DGKI: variants seen among roughly 807,000 people sequenced by gnomAD.
DGKI encodes DAG kinase iota.
A neutral mutation model predicts 147.5 loss-of-function variants in DGKI; 55 were observed. The observed-to-expected ratio is 0.37, with a 90% confidence interval of 0.30 to 0.47. The LOEUF (loss-of-function observed/expected upper bound fraction) is 0.47, where lower values mean the gene tolerates loss of function less well. DGKI is among the 20% of genes least tolerant of loss of function. The probability of loss-of-function intolerance (pLI) is 1.00; values close to 1 mark genes in which losing one functional copy is unlikely to be tolerated. For missense variants in DGKI, 1,007 were observed against 1,323.8 expected (o/e 0.76, Z 3.71); for synonymous variants, 469 against 477.1 (o/e 0.98, Z 0.22).
rs367701803 is a variant in DGKI at position 137,458,668 on chromosome 7, T to G, written c.2735+4821A>C. Among the ~76,000 whole-genome samples the G allele has an allele frequency of 3.2e-4, 48 of 152,284 alleles. No homozygotes were observed. The East Asian group carries it at 6.6e-3, about 21-fold the overall frequency. On this transcript the variant is annotated intron_variant, in intron 27 of 32. Coordinates refer to ENST00000614521, the MANE Select transcript of DGKI (RefSeq NM_001321708.2). ...TATATCAGAGTTTTCATTCCATGCC[T>G]ATTTTCTTTTCTCATAGATCCTCAA...
At chr7:137,708,554 G>A (rs187256690) in intron 1 of DGKI, among the ~76,000 whole-genome samples, 106 of 152,268 alleles carry the variant, frequency 7.0e-4, no homozygotes, top group African/African-American at 2.5e-3. Flanking sequence ...AATATATTTA[G>A]CAAAAAGAAA....
chr7:137,635,982 C>G (rs1052136155), intron 6 of DGKI, among the ~76,000 whole-genome samples: 1 of 152,154 alleles, frequency 6.6e-6, no homozygotes, highest in Non-Finnish European at 1.5e-5. Flanking sequence ...CACCCAGTTA[C>G]TTTGGAATTT....
chr7:137,487,320 C>G (rs1197579651), intron 22 of DGKI, among the ~76,000 whole-genome samples: 1 of 152,058 alleles, frequency 6.6e-6, no homozygotes, highest in African/African-American at 2.4e-5. Context: ...TTCTGAACAT[C>G]TCAAATATAC....
At chr7:137,656,742 G>A (rs1292024704) in intron 3 of DGKI, among the ~76,000 whole-genome samples, 1 of 152,110 alleles carries the variant, frequency 6.6e-6, no homozygotes, top group Non-Finnish European at 1.5e-5. Context: ...CACTCACCAA[G>A]TAGCTCCACA....
chr7:137,509,124 G>C (rs150032683), intron 21 of DGKI, among the ~76,000 whole-genome samples: 12 of 152,280 alleles, frequency 7.9e-5, no homozygotes, highest in Non-Finnish European at 1.5e-4. Context: ...ATTCTTACTT[G>C]ATGGATGACA....
At chr7:137,427,476 T>A (rs1812866442) in intron 28 of DGKI, among the ~76,000 whole-genome samples, 1 of 151,706 alleles carries the variant, frequency 6.6e-6, no homozygotes, top group South Asian at 2.1e-4. Context: ...CACCCTAACA[T>A]CACAATTAAA....
At chr7:137,650,477 T>C (rs1187574999) in intron 5 of DGKI, among the ~76,000 whole-genome samples, 1 of 152,238 alleles carries the variant, frequency 6.6e-6, no homozygotes, top group Non-Finnish European at 1.5e-5. Context: ...CTGGGGTTTG[T>C]GTCCCCTCAA....
At chr7:137,401,405 C>T (rs539405647) in intron 30 of DGKI, among the ~76,000 whole-genome samples, 1 of 151,634 alleles carries the variant, frequency 6.6e-6, no homozygotes, top group Non-Finnish European at 1.5e-5. Context: ...GTGGTACATG[C>T]CTGTAGTCCC....
At chr7:137,509,483 A>G (rs1262511468) in intron 21 of DGKI, among the ~76,000 whole-genome samples, 1 of 152,196 alleles carries the variant, frequency 6.6e-6, no homozygotes, top group Admixed American at 6.5e-5. Context: ...CAAGAGTGAC[A>G]GTGAAGTCGT....
At chr7:137,842,818 C>A (rs1223244300) in intron 1 of DGKI, among the ~76,000 whole-genome samples, 1 of 151,844 alleles carries the variant, frequency 6.6e-6, no homozygotes, top group Non-Finnish European at 1.5e-5. Context: ...AGACAAAGGG[C>A]CACAAGCCAA....
At chr7:137,413,194 G>A (rs561155717) in intron 28 of DGKI, among the ~76,000 whole-genome samples, 8 of 149,514 alleles carry the variant, frequency 5.4e-5, no homozygotes, top group African/African-American at 2.0e-4. Context: ...TTGAATTCGA[G>A]AGGTGGAGTT....
intron 2 of DGKI, among the ~76,000 whole-genome samples, chr7:137,679,355 A>G (rs984932815): frequency 6.7e-6 from 1 of 149,206 alleles, no homozygotes; most frequent in Non-Finnish European, 1.5e-5. Context: ...CAACAACCCT[A>G]TTTTCCAGAA....
chr7:137,774,907 T>A (rs1796318677), intron 1 of DGKI: 1 of 152,214 alleles, frequency 6.6e-6, no homozygotes, highest in African/African-American at 2.4e-5. Flanking sequence ...CACAGGACTG[T>A]TATGAGTGGC....
At chr7:137,391,589 T>C (rs774686657) in intron 32 of DGKI, among the ~76,000 whole-genome samples, 4 of 152,022 alleles carry the variant, frequency 2.6e-5, no homozygotes, top group Non-Finnish European at 5.9e-5. Context: ...TTTATCACTT[T>C]TGACGGGTGG....
intron 23 of DGKI, among the ~76,000 whole-genome samples, chr7:137,477,024 G>A (rs992236899): frequency 5.3e-5 from 8 of 152,160 alleles, no homozygotes; most frequent in African/African-American, 1.9e-4. Context: ...GATCTAAATG[G>A]CTATGAAGAT....
intron 1 of DGKI, among the ~76,000 whole-genome samples, chr7:137,707,947 C>T (rs1794091741): frequency 6.6e-6 from 1 of 152,074 alleles, no homozygotes; most frequent in East Asian, 1.9e-4. Context: ...TTTTTGCCTC[C>T]AAATCTCCCC....
At chr7:137,542,764 T>C (rs1817744602) in intron 20 of DGKI, among the ~76,000 whole-genome samples, 1 of 152,178 alleles carries the variant, frequency 6.6e-6, no homozygotes, top group South Asian at 2.1e-4. Context: ...TAACTTTAAA[T>C]ATTAAAAATA....
chr7:137,722,535 A>C, intron 1 of DGKI: 2 of 1,607,170 alleles, frequency 1.2e-6, no homozygotes, highest in South Asian at 2.2e-5. Context: ...TCCTCAATCG[A>C]GTTCCTCTAC....
At chr7:137,637,443 T>G (rs1821352899) in intron 6 of DGKI, among the ~76,000 whole-genome samples, 1 of 152,254 alleles carries the variant, frequency 6.6e-6, no homozygotes, top group African/African-American at 2.4e-5. Flanking sequence ...AATGGAATGC[T>G]GTGTTTAAAC....
Sources: allele counts gnomAD v4.1 joint callset (sites outside exome capture counted in the v4.1 genomes callset), GRCh38; gene constraint gnomAD v4.1.1; transcripts MANE v1.5; gene names NCBI Gene and HGNC (gene_info 2026-07-23, HGNC 2026-07-21).